The following INPP4A variants were observed in gnomAD, a reference collection of about 807,000 sequenced individuals.
INPP4A encodes the protein inositol polyphosphate-4-phosphatase, type I, 107kD.
A neutral mutation model predicts 119.8 loss-of-function variants in INPP4A; 33 were observed. That is an observed-to-expected ratio of 0.28 (90% CI 0.21 to 0.37). INPP4A has a LOEUF of 0.37. Among genes scored for constraint, INPP4A ranks in the 10% least tolerant of loss-of-function variants. The pLI is 1.00. For synonymous variants in INPP4A, 496 were observed against 500.7 expected (o/e 0.99, Z 0.12); for missense variants, 956 against 1,289.9 (o/e 0.74, Z 3.97).
intron 1 of INPP4A, among the ~76,000 whole-genome samples, chr2:98,478,404 G>A (rs1054875342): frequency 4.6e-5 from 7 of 152,160 alleles, no homozygotes; most frequent in Middle Eastern, 3.2e-3. Flanking sequence ...CTTCTCTGCC[G>A]ATCTGAGGTC....
chr2:98,448,068 A>G (rs920621318), intron 1 of INPP4A, among the ~76,000 whole-genome samples: 10 of 150,666 alleles, frequency 6.6e-5, no homozygotes, highest in Non-Finnish European at 1.5e-4. Context: ...AAAAAAAAAA[A>G]ATCATGGCCG....
rs775573311 is a variant in INPP4A at position 98,555,655 on chromosome 2, G to A, written c.1669G>A (p.Val557Ile). 2 of 1,614,004 alleles carry A rather than the reference G, an allele frequency of 1.2e-6. No homozygotes were observed. Among genetic ancestry groups the A allele is most frequent in the South Asian group, 1.1e-5 (1 of 91,080 alleles). The change falls in exon 16 of 25, where the codon GTC (valine) becomes ATC (isoleucine). Residue 557 changes from valine (V) to isoleucine (I), a missense_variant. Val to Ile is a conservative substitution (Grantham distance 29). This residue lies in a region of INPP4A where 652 missense variants were observed against 797.9 expected (regional missense o/e 0.82). Coordinates refer to ENST00000409851, the MANE Select transcript of INPP4A (RefSeq NM_001134225.2). ...GCTGCATGGCGAGGGCTGTGAGGATGTCTTCCCCTGTGCAGGCAGCTGCAC... is the reference window on the plus strand; with the variant it reads ...GCTGCATGGCGAGGGCTGTGAGGATATCTTCCCCTGTGCAGGCAGCTGCAC... Reference protein sequence around the residue: ...ERLHGEGCEDVFPCAGSCTSK... With the variant: ...ERLHGEGCEDIFPCAGSCTSK...
chr2:98,574,470 T>C (rs985452197), intron 23 of INPP4A, among the ~76,000 whole-genome samples: 5 of 151,966 alleles, frequency 3.3e-5, no homozygotes, highest in African/African-American at 1.2e-4. Flanking sequence ...AAACCCCATC[T>C]CTACTAAAAA....
intron 11 of INPP4A, among the ~76,000 whole-genome samples, chr2:98,544,872 A>G (rs146526534): frequency 6.6e-6 from 1 of 152,212 alleles, no homozygotes; most frequent in African/African-American, 2.4e-5. Flanking sequence ...GTGAGTCTGA[A>G]GAGAGGGTCT....
At chr2:98,572,778 G>A (rs1165179515) in intron 22 of INPP4A, 37 bp from the exon 23 acceptor site, 2 of 1,459,386 alleles carry the variant, frequency 1.4e-6, no homozygotes, top group African/African-American at 1.4e-5. Context: ...GTTCCTGGGT[G>A]CGTCACCCAC....
intron 4 of INPP4A, among the ~76,000 whole-genome samples, chr2:98,531,104 C>T (rs767091781): frequency 2.0e-5 from 3 of 152,198 alleles, no homozygotes; most frequent in Non-Finnish European, 4.4e-5. Context: ...GACTTAATCA[C>T]CTCTGAAAGG....
At chr2:98,462,751 G>A (rs532027850) in intron 1 of INPP4A, among the ~76,000 whole-genome samples, 1 of 152,092 alleles carries the variant, frequency 6.6e-6, no homozygotes, top group African/African-American at 2.4e-5. Flanking sequence ...GAACTCCTGG[G>A]CTCAAGCAAT....
chr2:98,559,585 A>G (rs1016648943), intron 17 of INPP4A, 90 bp downstream of exon 17: 5 of 1,362,200 alleles, frequency 3.7e-6, no homozygotes, highest in Non-Finnish European at 5.1e-6. Context: ...AGATTGCCTT[A>G]TGATCCCAGA....
intron 1 of INPP4A, among the ~76,000 whole-genome samples, chr2:98,479,274 G>T (rs900977178): frequency 6.6e-6 from 1 of 152,178 alleles, no homozygotes; most frequent in Non-Finnish European, 1.5e-5. Context: ...CTGCAGTGGT[G>T]CTGATGGGGG....
chr2:98,548,877 C>G (rs1692965951), intron 13 of INPP4A: 1 of 1,381,840 alleles, frequency 7.2e-7, no homozygotes, highest in Non-Finnish European at 1.0e-6. Flanking sequence ...AATAAGTTGG[C>G]TTTTTAATTT....
Position 98,535,732 on chromosome 2 carries a change from A to G in INPP4A, c.274A>G (p.Thr92Ala). The G allele has an allele frequency of 1.4e-6, 2 of 1,467,536 alleles. No individual in the cohort carries two copies. Among genetic ancestry groups the G allele is most frequent in the Non-Finnish European group, 1.9e-6 (2 of 1,059,666 alleles). 90.9% of individuals were successfully genotyped at this position (1,467,536 alleles called of 1,614,324 possible). A position where few individuals can be genotyped will look rare whatever the true frequency, so the allele number is the denominator to read the frequency against. Residue 92 changes from threonine to alanine, a missense_variant, in exon 6 of 25, where the codon ACC (threonine) becomes GCC (alanine). By Grantham distance (58) the Thr-to-Ala change is moderately conservative (BLOSUM62 0). Transcript: ENST00000409851. The stretch of plus-strand genomic sequence containing the variant: ...ATTATTTCCTTTTCTGTTCTAGGGA[A>G]CCAACAATCCTATATTTCTAAGCAG... ...KHAQTEIIEG[T>A]NNPIFLSSIA...
chr2:98,559,415 C>T, intron 16 of INPP4A, 48 bp from the exon 17 acceptor site: 1 of 1,610,328 alleles, frequency 6.2e-7, no homozygotes, highest in Non-Finnish European at 8.5e-7. Flanking sequence ...TTGGTTTGAA[C>T]TGTGTGCTGC....
chr2:98,477,694 C>G (rs770577142), intron 1 of INPP4A, among the ~76,000 whole-genome samples: 1 of 152,200 alleles, frequency 6.6e-6, no homozygotes, highest in Non-Finnish European at 1.5e-5. Context: ...CTTGTTCAAC[C>G]CAGAGTCCAG....
In INPP4A at chr2:98,512,404, T is replaced by C. The variant is rs151061611; in HGVS notation, c.-165-6560T>C. Among the ~76,000 whole-genome samples the C allele has an allele frequency of 4.9e-4, 74 of 152,324 alleles. 1 individual carries two copies. In the East Asian group the frequency reaches 0.014, roughly 29 times the overall value. On this transcript the variant is annotated intron_variant, in intron 1 of 24. Transcript: ENST00000409851. The stretch of plus-strand genomic sequence containing the variant: ...GCGGAAGGGCAGGTGTTGACACCTG[T>C]CTTAATCCATTTTCTGCTACTCCAA...
At chr2:98,584,235 G>A (rs1159627163) in intron 24 of INPP4A, among the ~76,000 whole-genome samples, 1 of 152,236 alleles carries the variant, frequency 6.6e-6, no homozygotes, top group East Asian at 1.9e-4. Context: ...AGACCATCTT[G>A]TTTGCTTTAT....
intron 19 of INPP4A, 113 bp downstream of exon 19, chr2:98,564,876 A>G (rs1006738160): frequency 1.5e-6 from 2 of 1,295,268 alleles, no homozygotes; most frequent in Admixed American, 2.7e-5. Context: ...AAATAAATCC[A>G]AAATATATAA....
At chr2:98,559,429 T>A (rs1259688897) in intron 16 of INPP4A, 34 bp from the exon 17 acceptor site, 1 of 1,613,632 alleles carries the variant, frequency 6.2e-7, no homozygotes, top group Non-Finnish European at 8.5e-7. Flanking sequence ...GTGCTGCTCC[T>A]TAATCATCCA....
intron 24 of INPP4A, chr2:98,581,836 CA>C: frequency 6.6e-7 from 1 of 1,509,628 alleles, no homozygotes; most frequent in Non-Finnish European, 8.8e-7. Flanking sequence ...CCTAACTGGA[CA>C]GAAGGAATGT....
Position 98,546,055 on chromosome 2 carries a change from C to A in INPP4A, c.1036C>A (p.Gln346Lys). 1 of 1,581,900 alleles carries A rather than the reference C, an allele frequency of 6.3e-7. No individual in the cohort carries two copies. The highest frequency in any genetic ancestry group is 8.6e-7 in the Non-Finnish European group (1 of 1,162,840). ...TNLHIQRMRV[Q>K]DDGGSDQNYD... ...CTTGCACATACAAAGGATGAGAGTT[C>A]AAGACGATGGAGGATCAGGTACCTA... Residue 346 changes from glutamine to lysine, a missense_variant, in exon 12 of 25, where the codon CAA becomes AAA. Around this residue, in one of 2 missense-constraint regions of INPP4A, gnomAD observed 652 missense variants for 797.9 expected, o/e 0.82. Coordinates refer to ENST00000409851, the MANE Select transcript of INPP4A (RefSeq NM_001134225.2). The surrounding 1 kb of genome is among the most constrained non-coding windows in gnomAD (Gnocchi z 4.2).
Sources: gnomAD v4.1 joint callset for allele counts (sites outside exome capture counted in the v4.1 genomes callset) on GRCh38, gnomAD v4.1.1 for gene constraint, gnomAD v4.1.1 regional missense constraint, Gnocchi (gnomAD v3.1) non-coding constraint, MANE v1.5 for transcripts, NCBI Gene and HGNC (gene_info 2026-07-23, HGNC 2026-07-21) for gene names.